RIT2: variants seen among roughly 807,000 people sequenced by gnomAD.
RIT2 encodes GTP-binding protein Rit2.
In RIT2, 24 loss-of-function variants were observed where a neutral mutation model predicts 23.7. The ratio of observed to expected loss-of-function variants is 1.01; its 90% CI spans 0.73 to 1.43. RIT2 has a LOEUF of 1.43. RIT2 is among the 40% of genes most tolerant of loss of function. The pLI is 0.00. For missense variants in RIT2, 236 were observed against 266.9 expected (o/e 0.88, Z 0.81); for synonymous variants, 107 against 91.1 (o/e 1.17, Z -0.99).
chr18:43,028,922 A>C (rs985012240), intron 2 of RIT2, among the ~76,000 whole-genome samples: 1 of 152,018 alleles, frequency 6.6e-6, no homozygotes, highest in African/African-American at 2.4e-5. Context: ...GTATTTTTCT[A>C]AATTCCTAGC....
At chr18:42,806,404 G>C (rs551969605) in intron 4 of RIT2, among the ~76,000 whole-genome samples, 2 of 152,130 alleles carry the variant, frequency 1.3e-5, no homozygotes, top group South Asian at 4.1e-4. Context: ...GGGAGGCAGA[G>C]GTTGCAGTGA....
In RIT2 at chr18:42,965,711, C is replaced by CTTTTTT. The variant is rs58344278; in HGVS notation, c.234+8357_234+8362dup. ...GGTAAACAAAGATGTGTACTGATGG[C>CTTTTTT]TTTTTTTTTTTTTTTTTTTTTTTTT... On this transcript the variant is annotated intron_variant, in intron 3 of 4. Coordinates refer to ENST00000326695, the MANE Select transcript of RIT2 (RefSeq NM_002930.4). Among the ~76,000 whole-genome samples the CTTTTTT allele has an allele frequency of 7.1e-4, 27 of 37,782 alleles. 5 individuals are homozygous for CTTTTTT. Among genetic ancestry groups the CTTTTTT allele is most frequent in the South Asian group, 2.1e-3 (2 of 972 alleles). 24.8% of individuals were successfully genotyped at this position (37,782 alleles called of 152,430 possible).
intron 4 of RIT2, among the ~76,000 whole-genome samples, chr18:42,861,671 T>C (rs561897456): frequency 4.1e-4 from 62 of 152,332 alleles, no homozygotes; most frequent in African/African-American, 1.4e-3. Context: ...GATACTCTTC[T>C]TATTTTGGGT....
intron 1 of RIT2, among the ~76,000 whole-genome samples, chr18:43,099,780 C>A (rs946681987): frequency 6.6e-6 from 1 of 152,046 alleles, no homozygotes; most frequent in East Asian, 1.9e-4. Flanking sequence ...TAATCCATTT[C>A]AATTGATGGC....
chr18:42,880,567 C>T (rs1383372852), intron 4 of RIT2, among the ~76,000 whole-genome samples: 2 of 152,054 alleles, frequency 1.3e-5, no homozygotes, highest in African/African-American at 4.8e-5. Flanking sequence ...TAATTTTTCT[C>T]ATTTTTTCTG....
chr18:42,939,517 A>G (rs1909542521), intron 3 of RIT2, among the ~76,000 whole-genome samples: 1 of 152,176 alleles, frequency 6.6e-6, no homozygotes, highest in South Asian at 2.1e-4. Flanking sequence ...AAATAAGCCT[A>G]AAGCCACAGA....
At chr18:43,029,228 A>G (rs936521561) in intron 2 of RIT2, among the ~76,000 whole-genome samples, 4 of 152,064 alleles carry the variant, frequency 2.6e-5, no homozygotes, top group African/African-American at 9.6e-5. Flanking sequence ...TGCAGTTTTC[A>G]TGGTTTGTAA....
intron 1 of RIT2, among the ~76,000 whole-genome samples, chr18:43,044,257 G>T (rs1452215463): frequency 1.3e-5 from 2 of 152,084 alleles, no homozygotes; most frequent in Non-Finnish European, 2.9e-5. Flanking sequence ...TGGGTAAGAG[G>T]TATCCCGATC....
intron 2 of RIT2, among the ~76,000 whole-genome samples, chr18:42,978,705 A>C (rs1356131167): frequency 6.6e-6 from 1 of 152,080 alleles, no homozygotes; most frequent in African/African-American, 2.4e-5. Flanking sequence ...AATTTATCTC[A>C]AAGTACTAAT....
chr18:43,055,681 G>A (rs1384764070), intron 1 of RIT2, among the ~76,000 whole-genome samples: 1 of 152,022 alleles, frequency 6.6e-6, no homozygotes, highest in African/African-American at 2.4e-5. Flanking sequence ...ATAACACAAA[G>A]ATAAAATCCA....
intron 4 of RIT2, among the ~76,000 whole-genome samples, chr18:42,904,839 A>G (rs903695642): frequency 1.3e-5 from 2 of 152,208 alleles, no homozygotes; most frequent in Non-Finnish European, 2.9e-5. Context: ...TCAAAAGAAC[A>G]TGAAAAATTG....
chr18:42,780,159 TTA>T (rs2143930481), intron 4 of RIT2, among the ~76,000 whole-genome samples: 1 of 149,862 alleles, frequency 6.7e-6, no homozygotes, highest in African/African-American at 2.4e-5. Flanking sequence ...CAGCTTGATT[TTA>T]TATATTTTAG....
intron 3 of RIT2, among the ~76,000 whole-genome samples, chr18:42,929,034 G>GATATATATAGATATATATATAT (rs1555647356): frequency 6.2e-5 from 6 of 96,942 alleles, no homozygotes; most frequent in East Asian, 4.9e-4. Flanking sequence ...AAAATATGGA[G>GATATATATAGATATATATATAT]ATATATATAT....
chr18:42,820,973 T>G (rs1598667874), intron 4 of RIT2, among the ~76,000 whole-genome samples: 1 of 152,230 alleles, frequency 6.6e-6, no homozygotes, highest in African/African-American at 2.4e-5. Context: ...GAGCTGCTTG[T>G]TTTAAAAGAG....
At chr18:42,921,920 T>A (rs1335524006) in intron 4 of RIT2, among the ~76,000 whole-genome samples, 1 of 152,132 alleles carries the variant, frequency 6.6e-6, no homozygotes, top group Non-Finnish European at 1.5e-5. Flanking sequence ...TCTTCCTTTC[T>A]GCCAAGTTAT....
intron 4 of RIT2, among the ~76,000 whole-genome samples, chr18:42,799,142 T>C (rs1383354862): frequency 1.3e-5 from 2 of 151,972 alleles, no homozygotes; most frequent in South Asian, 2.1e-4. Context: ...AGATAGAAAA[T>C]AGAAAAGTAG....
intron 4 of RIT2, among the ~76,000 whole-genome samples, chr18:42,763,673 C>G (rs900926326): frequency 6.6e-6 from 1 of 152,086 alleles, no homozygotes; most frequent in East Asian, 1.9e-4. Flanking sequence ...TTAAATTAAT[C>G]TCAGCTGACT....
intron 3 of RIT2, among the ~76,000 whole-genome samples, chr18:42,925,894 A>C (rs1909168707): frequency 6.6e-6 from 1 of 151,754 alleles, no homozygotes; most frequent in East Asian, 1.9e-4. Context: ...AGTATATATA[A>C]ATATTGCTTA....
chr18:42,833,846 T>C (rs1906526434), intron 4 of RIT2, among the ~76,000 whole-genome samples: 2 of 151,884 alleles, frequency 1.3e-5, no homozygotes, highest in East Asian at 3.9e-4. Flanking sequence ...TAAAATAAAA[T>C]AAAATAAAAT....
Sources: gnomAD v4.1 joint callset for allele counts (sites outside exome capture counted in the v4.1 genomes callset) on GRCh38, gnomAD v4.1.1 for gene constraint, MANE v1.5 for transcripts, NCBI Gene and HGNC (gene_info 2026-07-23, HGNC 2026-07-21) for gene names.